PLIN3: variants seen among roughly 807,000 people sequenced by gnomAD.
PLIN3 encodes the protein perilipin 3.
A neutral mutation model predicts 35.9 loss-of-function variants in PLIN3; 30 were observed. That is an observed-to-expected ratio of 0.84 (90% confidence interval 0.62 to 1.13). The LOEUF (loss-of-function observed/expected upper bound fraction) is 1.13. Among genes scored for constraint, PLIN3 ranks in the 50% most tolerant of loss-of-function variants. The probability of loss-of-function intolerance (pLI) is 0.00; values close to 1 mark genes in which losing one functional copy is unlikely to be tolerated. For missense variants in PLIN3, 603 were observed against 596.9 expected (o/e 1.01, Z -0.11); for synonymous variants, 261 against 262.5 (o/e 0.99, Z 0.06).
rs1243549736 is a variant in PLIN3 at position 4,838,396 on chromosome 19, A to T, written c.*796T>A. 1 of 152,466 alleles carries T rather than the reference A, an allele frequency of 6.6e-6. No homozygotes were observed. Among genetic ancestry groups the T allele is most frequent in the African/African-American group, 2.4e-5 (1 of 41,378 alleles). 9.4% of individuals were successfully genotyped at this position (152,466 alleles called of 1,614,324 possible). On this transcript the variant is annotated 3_prime_UTR_variant, in exon 8 of 8. Coordinates refer to ENST00000221957, the MANE Select transcript of PLIN3 (RefSeq NM_005817.5). Reference sequence around the variant, plus strand: ...TACTGAATACCAGAGCATTTCAACAAGGCTTACCACACAGGCCCCAGTACC... The same window carrying T: ...TACTGAATACCAGAGCATTTCAACATGGCTTACCACACAGGCCCCAGTACC...
At position 4,847,893 on chromosome 19, in the gene PLIN3, G is replaced by T; in HGVS notation, c.635-3C>A. On this transcript the variant is annotated splice_region_variant and splice_polypyrimidine_tract_variant and intron_variant, in intron 5 of 7. Transcript: ENST00000221957. ...ATCCAGGGATGTGGCGATGCGGGCT[G>T]CAAGGAAAAGGAGAAGGGTCTCTGT... 1 of 1,611,196 alleles carries T rather than the reference G, an allele frequency of 6.2e-7. No homozygotes were observed. Among genetic ancestry groups the T allele is most frequent in the Non-Finnish European group, 8.5e-7 (1 of 1,178,300 alleles).
chr19:4,846,181 G>A (rs1297925137), intron 6 of PLIN3, among the ~76,000 whole-genome samples: 2 of 151,702 alleles, frequency 1.3e-5, no homozygotes, highest in Non-Finnish European at 2.9e-5. Context: ...AGCTGAGATC[G>A]CGCCACAAAA....
intron 5 of PLIN3, among the ~76,000 whole-genome samples, chr19:4,850,760 C>T (rs1447754362): frequency 1.3e-5 from 2 of 151,024 alleles, no homozygotes; most frequent in Admixed American, 6.6e-5. Context: ...TAGTAGAGAC[C>T]GGGTTTCACC....
chr19:4,860,256 GA>G (rs1048117187), intron 2 of PLIN3, among the ~76,000 whole-genome samples: 3 of 152,032 alleles, frequency 2.0e-5, no homozygotes, highest in African/African-American at 4.8e-5. Flanking sequence ...GCCCGGGCTG[GA>G]GTGCACTGAT....
intron 4 of PLIN3, among the ~76,000 whole-genome samples, chr19:4,854,323 C>T (rs564966393): frequency 2.6e-5 from 4 of 152,218 alleles, no homozygotes; most frequent in African/African-American, 9.6e-5. Context: ...GTTGGTGCTT[C>T]CCTGAAGACT....
At chr19:4,845,467 G>A (rs1030013039) in intron 6 of PLIN3, among the ~76,000 whole-genome samples, 8 of 152,070 alleles carry the variant, frequency 5.3e-5, no homozygotes, top group African/African-American at 1.7e-4. Flanking sequence ...TGCTTGTAAT[G>A]AAATATGACT....
At chr19:4,853,457 C>T (rs1434560187) in intron 4 of PLIN3, among the ~76,000 whole-genome samples, 1 of 151,990 alleles carries the variant, frequency 6.6e-6, no homozygotes, top group Admixed American at 6.6e-5. Flanking sequence ...TCCCAAGTAG[C>T]TGGGATTACA....
At chr19:4,859,734 G>C in intron 3 of PLIN3, 62 bp from the exon 4 acceptor site, 4 of 1,601,714 alleles carry the variant, frequency 2.5e-6, no homozygotes, top group African/African-American at 2.7e-5. Context: ...ATGGTTCAGG[G>C]GGACAGGACC....
At chr19:4,865,817 C>T (rs1027645286) in intron 1 of PLIN3, among the ~76,000 whole-genome samples, 9 of 149,814 alleles carry the variant, frequency 6.0e-5, no homozygotes, top group Admixed American at 1.3e-4. Context: ...TCTGCCTCCC[C>T]GGTTCACGCC....
At chr19:4,856,710 T>G (rs1184277634) in intron 4 of PLIN3, among the ~76,000 whole-genome samples, 7 of 150,586 alleles carry the variant, frequency 4.6e-5, no homozygotes, top group Non-Finnish European at 3.0e-5. Context: ...AGGGTGTTTT[T>G]TTTTTTTTTT....
Position 4,852,321 on chromosome 19 carries a change from C to A in PLIN3, c.349-20G>T, listed in dbSNP as rs746209713. 6 of 1,594,884 alleles carry A rather than the reference C, an allele frequency of 3.8e-6. 1 individual carries two copies. In the South Asian group the frequency reaches 5.5e-5, roughly 15 times the overall value. On this transcript the variant is annotated intron_variant, in intron 4 of 7. Coordinates refer to ENST00000221957, the MANE Select transcript of PLIN3 (RefSeq NM_005817.5). ...CAGGACCTAGGAGATGCAACAGCAT[C>A]AGCATCTCTGCCTTCCCTCCATATC...
intron 1 of PLIN3, among the ~76,000 whole-genome samples, chr19:4,864,508 G>A (rs1173352198): frequency 1.3e-5 from 2 of 151,366 alleles, no homozygotes; most frequent in African/African-American, 4.9e-5. Context: ...TAGTAGATGG[G>A]GTTTTGCCAT....
At chr19:4,851,529 G>A (rs978545616) in intron 5 of PLIN3, among the ~76,000 whole-genome samples, 5 of 152,118 alleles carry the variant, frequency 3.3e-5, no homozygotes, top group Non-Finnish European at 5.9e-5. Flanking sequence ...GCGAATATGT[G>A]ACCGAGATGA....
rs757469368 is a variant in PLIN3 at position 4,852,270 on chromosome 19, G to C, written c.380C>G (p.Ser127Cys). ...VLADTKELVSSKVSGAQEMVS... is the reference protein window; with the variant it reads ...VLADTKELVSCKVSGAQEMVS... ...CATCTCTTGGGCCCCCGACACCTTAGACGACACAAGCTCCTTGGTGTCCGC... is the reference window on the plus strand; with the variant it reads ...CATCTCTTGGGCCCCCGACACCTTACACGACACAAGCTCCTTGGTGTCCGC... Residue 127 changes from serine to cysteine, a missense_variant, in exon 5 of 8, where the codon TCT (serine) becomes TGT (cysteine). Transcript: ENST00000221957. 4 of 1,604,842 alleles carry C rather than the reference G, an allele frequency of 2.5e-6. No individual in the cohort carries two copies. The highest frequency in any genetic ancestry group is 3.4e-6 in the Non-Finnish European group (4 of 1,179,908).
At chr19:4,850,138 GTTTC>G (rs1475615188) in intron 5 of PLIN3, among the ~76,000 whole-genome samples, 1 of 151,580 alleles carries the variant, frequency 6.6e-6, no homozygotes, top group Non-Finnish European at 1.5e-5. Context: ...TAGAGATAGG[GTTTC>G]TTTATGTTGG....
intron 6 of PLIN3, 99 bp from the exon 7 acceptor site, chr19:4,844,892 G>C (rs2030035225): frequency 1.5e-6 from 2 of 1,356,144 alleles, no homozygotes; most frequent in African/African-American, 1.5e-5. Flanking sequence ...TGACTTACAT[G>C]ACAGTCTAGA....
Position 4,847,584 on chromosome 19 carries a change from C to T in PLIN3, c.834+107G>A, listed in dbSNP as rs1366392672. 8.6e-6 allele frequency: 8 copies of T among 927,818 alleles called. No individual in the cohort carries two copies. The African/African-American group carries it at 1.3e-4, about 15-fold the overall frequency. The allele number at this position is 927,818 out of a possible 1,614,324, so 57.5% of individuals were successfully genotyped here. A position where few individuals can be genotyped will look rare whatever the true frequency, so the allele number is the denominator to read the frequency against. ...CAGTGCCAGGAGCAAGCGGGAATGG[C>T]CCTGCCAGCCTGCAGAGGGGTGAGC... On this transcript the variant is annotated intron_variant, in intron 6 of 7. Transcript: ENST00000221957.
chr19:4,854,335 A>G (rs1212263743), intron 4 of PLIN3, among the ~76,000 whole-genome samples: 1 of 152,070 alleles, frequency 6.6e-6, no homozygotes, highest in Non-Finnish European at 1.5e-5. Context: ...CTGAAGACTC[A>G]GTCCTCTTGT....
chr19:4,840,889 G>T (rs889751041), intron 7 of PLIN3, among the ~76,000 whole-genome samples: 3 of 152,130 alleles, frequency 2.0e-5, no homozygotes, highest in Non-Finnish European at 4.4e-5. Context: ...AGGTTGCAGT[G>T]AGCCAAGATC....
Sources: allele counts gnomAD v4.1 joint callset (sites outside exome capture counted in the v4.1 genomes callset), GRCh38; gene constraint gnomAD v4.1.1; transcripts MANE v1.5; gene names NCBI Gene and HGNC (gene_info 2026-07-23, HGNC 2026-07-21).